Variants in MARCHF1 observed in about 807,000 individuals in gnomAD.
The protein encoded by MARCHF1 is E3 ubiquitin-protein ligase MARCHF1.
In MARCHF1, 40 loss-of-function variants were observed where a neutral mutation model predicts 54.2. The observed-to-expected ratio is 0.74, with a 90% CI of 0.57 to 0.96. The LOEUF is 0.96. Among genes scored for constraint, MARCHF1 ranks in the 40% least tolerant of loss-of-function variants. The pLI is 0.00. For missense variants in MARCHF1, 586 were observed against 656.5 expected (o/e 0.89, Z 1.17); for synonymous variants, 236 against 236.3 (o/e 1.00, Z 0.01).
intron 5 of MARCHF1, among the ~76,000 whole-genome samples, chr4:163,691,707 TG>T (rs1185476304): frequency 6.6e-6 from 1 of 152,156 alleles, no homozygotes; most frequent in Non-Finnish European, 1.5e-5. Context: ...ACCAAAATCC[TG>T]GAGAAGCTAT....
chr4:164,249,166 A>G (rs935649056), intron 1 of MARCHF1, among the ~76,000 whole-genome samples: 8 of 152,142 alleles, frequency 5.3e-5, no homozygotes, highest in African/African-American at 1.9e-4. Flanking sequence ...TTCTGCCATC[A>G]AGGCTCTTAA....
chr4:163,820,286 A>G (rs1244844848), intron 4 of MARCHF1, among the ~76,000 whole-genome samples: 2 of 151,934 alleles, frequency 1.3e-5, no homozygotes, highest in African/African-American at 2.4e-5. Context: ...TTTTGAAGTA[A>G]TCTCTTTTAT....
chr4:164,131,134 A>C (rs1756292543), intron 1 of MARCHF1, among the ~76,000 whole-genome samples: 1 of 152,092 alleles, frequency 6.6e-6, no homozygotes, highest in Non-Finnish European at 1.5e-5. Context: ...CTACCAAACC[A>C]AACTCCCTCC....
chr4:163,961,234 C>G (rs144786005), intron 3 of MARCHF1, among the ~76,000 whole-genome samples: 1 of 152,058 alleles, frequency 6.6e-6, no homozygotes, highest in African/African-American at 2.4e-5. Flanking sequence ...AAACACTCAT[C>G]TATAGAATAG....
intron 1 of MARCHF1, among the ~76,000 whole-genome samples, chr4:164,276,064 T>G (rs2111323601): frequency 6.6e-6 from 1 of 152,332 alleles, no homozygotes; most frequent in South Asian, 2.1e-4. Context: ...ATTTCATTTC[T>G]TCTTTTCATA....
intron 1 of MARCHF1, among the ~76,000 whole-genome samples, chr4:164,260,079 C>T (rs550837430): frequency 3.0e-4 from 45 of 152,014 alleles, no homozygotes; most frequent in Non-Finnish European, 5.0e-4. Flanking sequence ...AGATAATATT[C>T]AAGAAATGTG....
chr4:163,574,171 C>T (rs1392780241), intron 8 of MARCHF1, among the ~76,000 whole-genome samples: 2 of 151,446 alleles, frequency 1.3e-5, no homozygotes, highest in South Asian at 2.1e-4. Context: ...TTTGTTTTTT[C>T]CTTGTAAATT....
intron 1 of MARCHF1, chr4:164,196,865 G>A (rs1464840586): frequency 3.0e-6 from 3 of 1,011,794 alleles, no homozygotes; most frequent in Non-Finnish European, 4.5e-6. Context: ...CCACAGCAAT[G>A]TTACAATCAG....
At chr4:163,913,524 GA>G (rs1310831542) in intron 3 of MARCHF1, among the ~76,000 whole-genome samples, 1 of 152,036 alleles carries the variant, frequency 6.6e-6, no homozygotes, top group African/African-American at 2.4e-5. Context: ...TACCTCTATG[GA>G]ATCCTACATT....
rs1474814492 is a variant in MARCHF1 at position 163,812,820 on chromosome 4, T to C, written c.111+41201A>G. ...CTAAACTTTTGAAACCAAATGAGCT[T>C]TGGAAGTCAAAATTTTTGTTTGTTA... On this transcript the variant is annotated intron_variant, in intron 4 of 9. Coordinates refer to ENST00000514618, the MANE Select transcript of MARCHF1 (RefSeq NM_001394959.1). Among the ~76,000 whole-genome samples, 3 of 152,082 alleles carry C rather than the reference T, an allele frequency of 2.0e-5. No homozygotes were observed. In the South Asian group the frequency reaches 6.2e-4, roughly 31 times the overall value.
intron 1 of MARCHF1, among the ~76,000 whole-genome samples, chr4:164,219,101 G>A (rs924044811): frequency 1.3e-5 from 2 of 152,026 alleles, no homozygotes; most frequent in Admixed American, 6.6e-5. Flanking sequence ...GTGCATTTTT[G>A]TGAAGAAGTC....
chr4:163,839,811 CTG>C (rs1749289057), intron 4 of MARCHF1, among the ~76,000 whole-genome samples: 2 of 151,870 alleles, frequency 1.3e-5, no homozygotes, highest in Non-Finnish European at 2.9e-5. Flanking sequence ...TTGCAGAACT[CTG>C]TAAATATATT....
At chr4:163,932,605 C>A in intron 3 of MARCHF1, 2 of 398,184 alleles carry the variant, frequency 5.0e-6, no homozygotes, top group South Asian at 4.1e-5. Context: ...AAGGCCATGA[C>A]CAAGCAGGGC....
chr4:163,650,933 A>G (rs867657354), intron 5 of MARCHF1, among the ~76,000 whole-genome samples: 1 of 151,900 alleles, frequency 6.6e-6, no homozygotes, highest in Non-Finnish European at 1.5e-5. Context: ...GATTTTCATA[A>G]TGACTAGATG....
At chr4:164,045,304 G>A (rs930119623) in intron 2 of MARCHF1, among the ~76,000 whole-genome samples, 1 of 151,850 alleles carries the variant, frequency 6.6e-6, no homozygotes, top group Non-Finnish European at 1.5e-5. Context: ...TTGAGGTTAG[G>A]AGTTTGAGAT....
chr4:163,747,353 T>C lies in MARCHF1; in HGVS notation c.112-46490A>G, dbSNP rs150113946. Reference sequence around the variant, plus strand: ...GTACTGGCAGAAACAAATATAAATTTTCTCTGATGGAACTCCCGTTTAGGT... The same window carrying C: ...GTACTGGCAGAAACAAATATAAATTCTCTCTGATGGAACTCCCGTTTAGGT... On this transcript the variant is annotated intron_variant, in intron 4 of 9. Transcript: ENST00000514618. Among the ~76,000 whole-genome samples, 58 of 152,310 alleles carry C rather than the reference T, an allele frequency of 3.8e-4. No homozygotes were observed. In the East Asian group the frequency reaches 9.6e-3, roughly 25 times the overall value.
At chr4:163,860,811 C>A (rs1390322331) in intron 3 of MARCHF1, among the ~76,000 whole-genome samples, 1 of 152,114 alleles carries the variant, frequency 6.6e-6, no homozygotes, top group Non-Finnish European at 1.5e-5. Context: ...AATTCTATAG[C>A]TAGAGTAAAC....
intron 1 of MARCHF1, among the ~76,000 whole-genome samples, chr4:164,336,320 G>A (rs1729738349): frequency 6.6e-6 from 1 of 152,094 alleles, no homozygotes. Flanking sequence ...GACAAAAAAA[G>A]GAATAAAGGA....
intron 4 of MARCHF1, among the ~76,000 whole-genome samples, chr4:163,847,536 G>A (rs184391945): frequency 9.3e-4 from 124 of 133,526 alleles, no homozygotes; most frequent in African/African-American, 3.4e-3. Flanking sequence ...TGATCTTTTC[G>A]AATTACAGTT....
Sources: gnomAD v4.1 joint callset for allele counts (sites outside exome capture counted in the v4.1 genomes callset) on GRCh38, gnomAD v4.1.1 for gene constraint, MANE v1.5 for transcripts, NCBI Gene and HGNC (gene_info 2026-07-23, HGNC 2026-07-21) for gene names.